The following PRLR variants were observed in gnomAD, a reference collection of about 807,000 sequenced individuals.
PRLR encodes hPRL receptor.
Under a neutral mutation model 40.2 loss-of-function variants are expected in PRLR, and 13 were observed. The ratio of observed to expected loss-of-function variants is 0.32; its 90% CI spans 0.21 to 0.51. The LOEUF (loss-of-function observed/expected upper bound fraction) is 0.51, where lower values mean the gene tolerates loss of function less well. Ranked by LOEUF, PRLR falls within the 20% of genes least tolerant of loss-of-function variation. The pLI, the probability that PRLR is intolerant of heterozygous loss-of-function variation, is 0.97. For synonymous variants in PRLR, 269 were observed against 278.7 expected (o/e 0.97, Z 0.35); for missense variants, 656 against 747.3 (o/e 0.88, Z 1.42).
At chr5:35,101,601 T>C (rs542288234) in intron 2 of PRLR, among the ~76,000 whole-genome samples, 13 of 152,196 alleles carry the variant, frequency 8.5e-5, no homozygotes, top group African/African-American at 3.1e-4. Flanking sequence ...TTCTTCCTTT[T>C]CCTTCATAAA....
rs1271107329 is a variant in PRLR, at chr5:35,058,014, T to A, written c.*7075A>T. 6.6e-6 allele frequency: 1 copy of A among 152,160 alleles called. No individual in the cohort carries two copies. Among genetic ancestry groups the A allele is most frequent in the Non-Finnish European group, 1.5e-5 (1 of 68,012 alleles). The allele number at this position is 152,160 out of a possible 1,614,324, so 9.4% of individuals were successfully genotyped here. A position where few individuals can be genotyped will look rare whatever the true frequency, so the allele number is the denominator to read the frequency against. On this transcript the variant is annotated 3_prime_UTR_variant, in exon 10 of 10. Coordinates refer to ENST00000618457, the MANE Select transcript of PRLR (RefSeq NM_000949.7). ...TCTATGGTTTTGTTGGTTTTTCATATGATGACTTACTAAGTATTCTTTCTG... is the reference window on the plus strand; with the variant it reads ...TCTATGGTTTTGTTGGTTTTTCATAAGATGACTTACTAAGTATTCTTTCTG...
chr5:35,200,311 G>A (rs953922434), intron 1 of PRLR, among the ~76,000 whole-genome samples: 4 of 152,124 alleles, frequency 2.6e-5, no homozygotes, highest in Admixed American at 6.5e-5. Context: ...ATTCTATCGT[G>A]GCTACATGCT....
At chr5:35,202,452 T>C (rs937296033) in intron 1 of PRLR, among the ~76,000 whole-genome samples, 2 of 152,160 alleles carry the variant, frequency 1.3e-5, no homozygotes, top group East Asian at 3.9e-4. Flanking sequence ...ATATCAGGGA[T>C]GTACAACTTA....
At chr5:35,127,963 C>A (rs889392764) in intron 1 of PRLR, among the ~76,000 whole-genome samples, 2 of 152,038 alleles carry the variant, frequency 1.3e-5, no homozygotes, top group South Asian at 2.1e-4. Flanking sequence ...AGATGGTCTC[C>A]AACTTACTAT....
At chr5:35,207,507 G>A (rs1385177663) in intron 1 of PRLR, among the ~76,000 whole-genome samples, 1 of 152,040 alleles carries the variant, frequency 6.6e-6, no homozygotes, top group Non-Finnish European at 1.5e-5. Flanking sequence ...TAAAAGAATT[G>A]AGTAAGTGGG....
At chr5:35,229,801 G>C (rs1346749285) in intron 1 of PRLR, among the ~76,000 whole-genome samples, 1 of 151,904 alleles carries the variant, frequency 6.6e-6, no homozygotes, top group Non-Finnish European at 1.5e-5. Flanking sequence ...GGAGAGTCTC[G>C]AGTCCGGCTT....
chr5:35,204,239 GA>G lies in PRLR; in HGVS notation c.-106+26028del, dbSNP rs138279788. Among the ~76,000 whole-genome samples, 582 of 143,516 alleles carry G rather than the reference GA, an allele frequency of 4.1e-3. 2 individuals carry two copies. The highest frequency in any genetic ancestry group is 0.014 in the Middle Eastern group (4 of 282). 94.2% of individuals were successfully genotyped at this position (143,516 alleles called of 152,430 possible). A position where few individuals can be genotyped will look rare whatever the true frequency, so the allele number is the denominator to read the frequency against. On this transcript the variant is annotated intron_variant, in intron 1 of 9. Transcript: ENST00000618457. ...CAAAAAAAAAAATAATAAATAAAAT[GA>G]AAAAAAAAACATAAAAACACACACA...
chr5:35,216,939 A>G (rs938972854), intron 1 of PRLR, among the ~76,000 whole-genome samples: 1 of 152,222 alleles, frequency 6.6e-6, no homozygotes, highest in African/African-American at 2.4e-5. Flanking sequence ...TATGTTTGAC[A>G]CAAGGTGATA....
In PRLR at chr5:35,099,919, G is replaced by A. The variant is rs181281520; in HGVS notation, c.-43-10256C>T. Among the ~76,000 whole-genome samples, 558 of 152,226 alleles carry A rather than the reference G, an allele frequency of 3.7e-3. 6 individuals carry two copies. Among genetic ancestry groups the A allele is most frequent in the African/African-American group, 0.013 (539 of 41,530 alleles). Reference sequence around the variant, plus strand: ...AGGCCAGGCACGGTGGTTCACGCCTGTAATCCCGGCACTTTGGGAGGCTGA... The same window carrying A: ...AGGCCAGGCACGGTGGTTCACGCCTATAATCCCGGCACTTTGGGAGGCTGA... On this transcript the variant is annotated intron_variant, in intron 2 of 9. Transcript: ENST00000618457.
At chr5:35,090,786 T>TA (rs1771149087) in intron 2 of PRLR, among the ~76,000 whole-genome samples, 2 of 141,602 alleles carry the variant, frequency 1.4e-5, no homozygotes, top group Non-Finnish European at 3.0e-5. Context: ...TACCATCAAT[T>TA]AGCTCTTTTT....
chr5:35,132,850 G>T (rs75986416), intron 1 of PRLR, among the ~76,000 whole-genome samples: 4,687 of 152,210 alleles, frequency 0.031, 270 homozygotes, highest in African/African-American at 0.11. Flanking sequence ...GTTAAGGGAT[G>T]CCCAGATAGC....
chr5:35,087,111 C>T (rs1267068999), intron 3 of PRLR, among the ~76,000 whole-genome samples: 4 of 152,076 alleles, frequency 2.6e-5, no homozygotes, highest in African/African-American at 4.8e-5. Context: ...CTGCCTCAGC[C>T]TCCTGAGCAG....
intron 1 of PRLR, among the ~76,000 whole-genome samples, chr5:35,188,654 A>T (rs2112001603): frequency 6.6e-6 from 1 of 152,378 alleles, no homozygotes; most frequent in South Asian, 2.1e-4. Context: ...AGTATTATTC[A>T]AAATATTTAC....
At chr5:35,077,391 AG>A (rs1770180691) in intron 5 of PRLR, among the ~76,000 whole-genome samples, 1 of 152,200 alleles carries the variant, frequency 6.6e-6, no homozygotes, top group Non-Finnish European at 1.5e-5. Flanking sequence ...ACAAAAAAGC[AG>A]GGGTTGCAAT....
At chr5:35,194,163 G>A (rs986999948) in intron 1 of PRLR, among the ~76,000 whole-genome samples, 1 of 152,272 alleles carries the variant, frequency 6.6e-6, no homozygotes, top group African/African-American at 2.4e-5. Context: ...CTGGTGTCTG[G>A]GAGAACTTGC....
chr5:35,178,469 T>C lies in PRLR; in HGVS notation c.-106+51799A>G, dbSNP rs140959138. 3.0e-4 allele frequency among the ~76,000 whole-genome samples: 45 copies of C among 152,304 alleles called. 1 individual carries two copies. Among genetic ancestry groups the C allele is most frequent in the Middle Eastern group, 6.8e-3 (2 of 294 alleles). On this transcript the variant is annotated intron_variant, in intron 1 of 9. Coordinates refer to ENST00000618457, the MANE Select transcript of PRLR (RefSeq NM_000949.7). ...TAGAATTTGTCTGCGTGTAGAGAAC[T>C]GCAAAATGTACACTGTATGTTCCTA...
chr5:35,054,463 C>A (rs572940528), downstream of PRLR, among the ~76,000 whole-genome samples: 1 of 151,508 alleles, frequency 6.6e-6, no homozygotes, highest in African/African-American at 2.4e-5. Flanking sequence ...GGTATACACA[C>A]AACTTTTGTC....
chr5:35,074,700 G>C (rs1046117701), intron 5 of PRLR, among the ~76,000 whole-genome samples: 1 of 151,846 alleles, frequency 6.6e-6, no homozygotes, highest in Admixed American at 6.6e-5. Context: ...ATAAACTAAT[G>C]CATTCAATTG....
chr5:35,065,112 A>C lies in PRLR; in HGVS notation c.1846T>G (p.Cys616Gly). 6.2e-7 allele frequency: 1 copy of C among 1,613,102 alleles called. No homozygotes were observed. Among genetic ancestry groups the C allele is most frequent in the Non-Finnish European group, 8.5e-7 (1 of 1,179,244 alleles). Residue 616 changes from cysteine (C) to glycine (G), a missense_variant, in exon 10 of 10, where the codon TGT (cysteine) becomes GGT (glycine). Cys to Gly is a radical substitution (Grantham distance 159). Transcript: ENST00000618457. ...LGGLDYLDPACFTHSFH is the reference protein window; with the variant it reads ...LGGLDYLDPAGFTHSFH ...TATCAGTGAAAGGAGTGTGTAAAAC[A>C]TGCGGGATCCAGGTAATCCAAACCA...
Sources: gnomAD v4.1 joint callset for allele counts (sites outside exome capture counted in the v4.1 genomes callset) on GRCh38, gnomAD v4.1.1 for gene constraint, MANE v1.5 for transcripts, NCBI Gene and HGNC (gene_info 2026-07-23, HGNC 2026-07-21) for gene names.